Variants in MDH1 observed in about 807,000 individuals in gnomAD.
The protein encoded by MDH1 is malate dehydrogenase 1, also known as malate dehydrogenase, cytoplasmic.
Under a neutral mutation model 38.7 loss-of-function variants are expected in MDH1, and 15 were observed. The ratio of observed to expected loss-of-function variants is 0.39; its 90% CI spans 0.26 to 0.60. The LOEUF is 0.60. Ranked by LOEUF, MDH1 falls within the 20% of genes least tolerant of loss-of-function variation. MDH1 has a pLI of 0.56. For synonymous variants in MDH1, 144 were observed against 143.6 expected, an observed-to-expected ratio of 1.00 and a Z score of -0.02; for missense variants, 368 against 405.2, an observed-to-expected ratio of 0.91 and a Z score of 0.79.
chr2:63,593,402 CTTTTTTGAAATTT>C (rs1475030143), intron 1 of MDH1: 1 of 363,134 alleles, frequency 2.8e-6, no homozygotes, highest in African/African-American at 2.2e-5. Context: ...CCTGACACTT[CTTTTTTGAAATTT>C]TTTTTTTTCT....
rs1285974709 is a variant in MDH1, at chr2:63,605,928, G to C, written c.790-11G>C. 9 of 1,609,304 alleles carry C rather than the reference G, an allele frequency of 5.6e-6. No individual in the cohort carries two copies. The highest frequency in any genetic ancestry group is 7.7e-6 in the Non-Finnish European group (9 of 1,175,700). On this transcript the variant is annotated splice_polypyrimidine_tract_variant and intron_variant, in intron 7 of 8. Coordinates refer to ENST00000233114, the MANE Select transcript of MDH1 (RefSeq NM_005917.4). ...AATCATCATGAGTATGTGAAACATT[G>C]TTATTTTCAGGGAGAGTTTGTGTCC...
chr2:63,599,126 A>G, intron 4 of MDH1, 44 bp from the exon 5 acceptor site: 1 of 1,580,196 alleles, frequency 6.3e-7, no homozygotes, highest in African/African-American at 1.4e-5. Context: ...ATTAGTTAGT[A>G]ACTATATAGT....
chr2:63,591,631 AAGT>A (rs1558858050), intron 1 of MDH1, among the ~76,000 whole-genome samples: 1 of 152,308 alleles, frequency 6.6e-6, no homozygotes, highest in East Asian at 1.9e-4. Flanking sequence ...CTGTTCATTG[AAGT>A]AGTATCTGTT....
At chr2:63,592,872 G>A (rs1709226346) in intron 1 of MDH1, among the ~76,000 whole-genome samples, 2 of 151,916 alleles carry the variant, frequency 1.3e-5, no homozygotes, top group South Asian at 2.1e-4. Flanking sequence ...TAAGGATCTC[G>A]TATTCTAAAG....
intron 6 of MDH1, 45 bp from the exon 7 acceptor site, chr2:63,605,235 A>G: frequency 1.5e-6 from 2 of 1,291,824 alleles, no homozygotes; most frequent in South Asian, 1.2e-5. Context: ...AAACTTTGCT[A>G]TCATGACCAA....
In MDH1 at chr2:63,605,391, G is replaced by C. The variant is rs777273416; in HGVS notation, c.787G>C (p.Glu263Gln). 20 of 1,608,728 alleles carry C rather than the reference G, an allele frequency of 1.2e-5. No homozygotes were observed. In the East Asian group the frequency reaches 4.0e-4, roughly 32 times the overall value. The change falls in exon 7 of 9, where the codon GAG (glutamate) becomes CAG (glutamine). Residue 263 changes from glutamate (E) to glutamine (Q), a missense_variant and splice_region_variant. Coordinates refer to ENST00000233114, the MANE Select transcript of MDH1 (RefSeq NM_005917.4). Reference sequence around the variant, plus strand: ...CAGGGACATCTGGTTTGGAACCCCAGAGGTAAGGATTTAGTGATTTGCACA... The same window carrying C: ...CAGGGACATCTGGTTTGGAACCCCACAGGTAAGGATTTAGTGATTTGCACA... ...HVRDIWFGTP[E>Q]GEFVSMGVIS... is the part of the protein sequence containing the mutation.
intron 5 of MDH1, among the ~76,000 whole-genome samples, chr2:63,603,307 T>C (rs1361690049): frequency 1.3e-5 from 2 of 152,190 alleles, no homozygotes; most frequent in Non-Finnish European, 2.9e-5. Context: ...GGAGCTGTTA[T>C]TACCCTTATT....
rs777712619 is a variant in MDH1, at chr2:63,595,469, T to G, written c.149T>G (p.Leu50Arg). The G allele has an allele frequency of 6.2e-7, 1 of 1,613,720 alleles. No homozygotes were observed. The highest frequency in any genetic ancestry group is 8.5e-7 in the Non-Finnish European group (1 of 1,179,614). ...LLDITPMMGVLDGVLMELQDC... is the reference protein window; with the variant it reads ...LLDITPMMGVRDGVLMELQDC... ...GATATCACCCCCATGATGGGTGTCCTGGACGGTGTCCTAATGGAACTGCAA... is the reference window on the plus strand; with the variant it reads ...GATATCACCCCCATGATGGGTGTCCGGGACGGTGTCCTAATGGAACTGCAA... The change falls in exon 3 of 9, where the codon CTG becomes CGG. Residue 50 changes from leucine to arginine, a missense_variant. Transcript: ENST00000233114.
intron 5 of MDH1, among the ~76,000 whole-genome samples, chr2:63,600,465 C>A (rs1443160684): frequency 6.6e-6 from 1 of 152,138 alleles, no homozygotes; most frequent in East Asian, 1.9e-4. Context: ...TAACCTTAGT[C>A]CACTTACTAG....
intron 4 of MDH1, 118 bp downstream of exon 4, chr2:63,597,692 T>A: frequency 2.3e-6 from 2 of 869,844 alleles, no homozygotes; most frequent in Non-Finnish European, 3.1e-6. Context: ...CAATCATCAG[T>A]AAATACGGCT....
chr2:63,605,126 G>A (rs1709501943), intron 6 of MDH1, among the ~76,000 whole-genome samples, 154 bp from the exon 7 acceptor site: 1 of 152,162 alleles, frequency 6.6e-6, no homozygotes, highest in Admixed American at 6.5e-5. Context: ...TTTCCAGAAG[G>A]ATTGGTAAGG....
chr2:63,595,950 G>C lies in MDH1; in HGVS notation c.199+431G>C, dbSNP rs1455355759. ...AGGATGTCCTTCATAGCTATACATT[G>C]CTCTGGAAGTTGGTTGGTTCCTCTT... On this transcript the variant is annotated intron_variant, in intron 3 of 8. Coordinates refer to ENST00000233114, the MANE Select transcript of MDH1 (RefSeq NM_005917.4). Among the ~76,000 whole-genome samples the C allele has an allele frequency of 2.0e-5, 3 of 152,192 alleles. 1 individual carries two copies. The East Asian group carries it at 5.8e-4, about 29-fold the overall frequency.
At chr2:63,589,312 A>T (rs775236943) in intron 1 of MDH1, 2 of 1,550,630 alleles carry the variant, frequency 1.3e-6, no homozygotes, top group Non-Finnish European at 1.7e-6. Context: ...ATCCTGCTGC[A>T]TGACGGGAGG....
chr2:63,593,705 T>C (rs1709246012), intron 1 of MDH1: 1 of 471,188 alleles, frequency 2.1e-6, no homozygotes, highest in African/African-American at 2.0e-5. Flanking sequence ...TAACTGAATT[T>C]TTCTGTCTAA....
chr2:63,597,080 AT>A (rs1208213291), intron 3 of MDH1, among the ~76,000 whole-genome samples: 1 of 152,220 alleles, frequency 6.6e-6, no homozygotes, highest in African/African-American at 2.4e-5. Flanking sequence ...TTGTGTGGTA[AT>A]TAGTGTGAAT....
chr2:63,606,163 C>A, intron 8 of MDH1, 135 bp downstream of exon 8: 1 of 830,280 alleles, frequency 1.2e-6, no homozygotes, highest in Admixed American at 1.9e-5. Context: ...GGCAAGATTG[C>A]TTGAGCCCAG....
At position 63,604,810 on chromosome 2, in the gene MDH1, A is replaced by G. The variant is rs1223855116; in HGVS notation, c.613A>G (p.Lys205Glu). The change falls in exon 6 of 9, where the codon AAG (lysine) becomes GAG (glutamate). Residue 205 changes from lysine (K) to glutamate (E), a missense_variant. Transcript: ENST00000233114. The stretch of plus-strand genomic sequence containing the variant: ...CCATGCCAAGGTGAAATTGCAAGGA[A>G]AGGAAGTTGGTGTTTATGAAGCTCT... Reference protein sequence around the residue: ...VNHAKVKLQGKEVGVYEALKD... With the variant: ...VNHAKVKLQGEEVGVYEALKD... The G allele has an allele frequency of 1.2e-6, 2 of 1,614,092 alleles. No homozygotes were observed. The highest frequency in any genetic ancestry group is 1.7e-6 in the Non-Finnish European group (2 of 1,180,048).
chr2:63,594,383 A>G, intron 1 of MDH1, 105 bp from the exon 2 acceptor site: 1 of 905,092 alleles, frequency 1.1e-6, no homozygotes, highest in Non-Finnish European at 1.9e-6. Context: ...TTAAAATTTT[A>G]CATTCACTTT....
rs1165378920 is a variant in MDH1, at chr2:63,599,205, C to T, written c.411C>T (p.Cys137=). 6 of 1,613,770 alleles carry T rather than the reference C, an allele frequency of 3.7e-6. No homozygotes were observed. The highest frequency in any genetic ancestry group is 3.3e-4 in the Middle Eastern group (2 of 6,060). ...IVVGNPANTN[C]LTASKSAPSI... is the part of the protein sequence containing the mutation. ...TGGGTAATCCAGCCAATACCAACTG[C>T]CTGACTGCTTCCAAGTCAGCTCCAT... Residue 137 remains cysteine, a synonymous_variant, in exon 5 of 9, where the codon TGC becomes TGT. Transcript: ENST00000233114.
Sources: gnomAD v4.1 joint callset for allele counts (sites outside exome capture counted in the v4.1 genomes callset) on GRCh38, gnomAD v4.1.1 for gene constraint, MANE v1.5 for transcripts, NCBI Gene and HGNC (gene_info 2026-07-23, HGNC 2026-07-21) for gene names.